The following SLC39A11 variants were observed in gnomAD, a reference collection of about 807,000 sequenced individuals.
The protein encoded by SLC39A11 is solute carrier family 39 member 11.
Under a neutral mutation model 36.1 loss-of-function variants are expected in SLC39A11, and 33 were observed. The ratio of observed to expected loss-of-function variants is 0.91; its 90% CI spans 0.69 to 1.22. SLC39A11 has a LOEUF of 1.22. Ranked by LOEUF, SLC39A11 falls within the 50% of genes most tolerant of loss-of-function variation. The pLI is 0.00. For missense variants in SLC39A11, 432 were observed against 430.3 expected, an observed-to-expected ratio of 1.00 and a Z score of -0.03; for synonymous variants, 166 against 170.3, an observed-to-expected ratio of 0.97 and a Z score of 0.20.
rs539376014 is a variant in SLC39A11, at chr17:72,837,762, T to C, written c.601+11872A>G. On this transcript the variant is annotated intron_variant, in intron 6 of 9. Coordinates refer to ENST00000255559, the MANE Select transcript of SLC39A11 (RefSeq NM_139177.4). ...ACAACATCAACGAAACTTGGAAGCATCATGCCAAGTGAAAGAAACCAGACA... is the reference window on the plus strand; with the variant it reads ...ACAACATCAACGAAACTTGGAAGCACCATGCCAAGTGAAAGAAACCAGACA... 5.1e-5 allele frequency: 17 copies of C among 335,950 alleles called. No individual in the cohort carries two copies. In the Admixed American group the frequency reaches 6.0e-4, roughly 12 times the overall value. The allele number at this position is 335,950 out of a possible 1,614,324, so 20.8% of individuals were successfully genotyped here.
chr17:72,842,490 T>C (rs2078861846), intron 6 of SLC39A11, among the ~76,000 whole-genome samples: 1 of 152,198 alleles, frequency 6.6e-6, no homozygotes, highest in South Asian at 2.1e-4. Context: ...AGTTCACTGT[T>C]GAGACCATAA....
intron 6 of SLC39A11, among the ~76,000 whole-genome samples, chr17:72,799,361 C>A (rs9914654): frequency 0.44 from 67,326 of 151,852 alleles, 18,482 homozygotes; most frequent in Non-Finnish European, 0.61. Context: ...GAAATCAGGG[C>A]ACCTTGAAAA....
At chr17:72,772,079 TG>T (rs1357226079) in intron 6 of SLC39A11, among the ~76,000 whole-genome samples, 1 of 152,200 alleles carries the variant, frequency 6.6e-6, no homozygotes, top group African/African-American at 2.4e-5. Flanking sequence ...GTGATATCCC[TG>T]GGGCTCTCCC....
At chr17:72,966,622 T>G (rs2087001102) in intron 4 of SLC39A11, among the ~76,000 whole-genome samples, 1 of 152,068 alleles carries the variant, frequency 6.6e-6, no homozygotes. Flanking sequence ...CAGGCTGGAG[T>G]GCAGTGGCGC....
chr17:72,955,732 C>G (rs934513472), intron 4 of SLC39A11, among the ~76,000 whole-genome samples: 1 of 151,892 alleles, frequency 6.6e-6, no homozygotes, highest in Non-Finnish European at 1.5e-5. Flanking sequence ...TTTATCTGAA[C>G]GAACTAAATG....
chr17:72,885,729 C>T (rs2081408264), intron 5 of SLC39A11, among the ~76,000 whole-genome samples: 1 of 152,292 alleles, frequency 6.6e-6, no homozygotes, highest in East Asian at 1.9e-4. Context: ...ACTCCAACCT[C>T]CCACCTATGT....
chr17:72,781,664 T>C (rs73352994), intron 6 of SLC39A11, among the ~76,000 whole-genome samples: 5,583 of 152,166 alleles, frequency 0.037, 320 homozygotes, highest in African/African-American at 0.12. Flanking sequence ...CATGTTCTGC[T>C]CACCTTGGTT....
intron 4 of SLC39A11, among the ~76,000 whole-genome samples, chr17:72,987,757 A>G (rs2088864185): frequency 6.6e-6 from 1 of 152,188 alleles, no homozygotes; most frequent in African/African-American, 2.4e-5. Context: ...TGACACTTAC[A>G]GAGAAAGGTG....
At chr17:72,694,932 C>T (rs11658363) in intron 7 of SLC39A11, among the ~76,000 whole-genome samples, 5,359 of 152,288 alleles carry the variant, frequency 0.035, 151 homozygotes, top group Middle Eastern at 0.082. Context: ...CTTTCTGGAC[C>T]GAGGCCAGGC....
intron 3 of SLC39A11, among the ~76,000 whole-genome samples, chr17:73,078,177 G>A (rs1279065929): frequency 1.3e-5 from 2 of 150,484 alleles, no homozygotes; most frequent in Non-Finnish European, 3.0e-5. Flanking sequence ...GGCGGAGGTT[G>A]TAGTGAGCCA....
chr17:72,870,020 T>C (rs539750987), intron 5 of SLC39A11, among the ~76,000 whole-genome samples: 12 of 152,250 alleles, frequency 7.9e-5, no homozygotes, highest in African/African-American at 1.2e-4. Context: ...TTGCTTTTTT[T>C]TTCTTCTTCT....
intron 5 of SLC39A11, among the ~76,000 whole-genome samples, chr17:72,931,773 G>T (rs1469065825): frequency 6.6e-6 from 1 of 152,186 alleles, no homozygotes; most frequent in Non-Finnish European, 1.5e-5. Flanking sequence ...TTCAGTGACA[G>T]GGAGCTCAGC....
intron 6 of SLC39A11, among the ~76,000 whole-genome samples, chr17:72,741,868 G>A (rs1397441778): frequency 1.3e-5 from 2 of 151,702 alleles, no homozygotes. Flanking sequence ...TTTAAGGTTT[G>A]CCTGATGGAT....
At chr17:73,016,338 AT>A (rs11293390) in intron 4 of SLC39A11, among the ~76,000 whole-genome samples, 26,447 of 144,532 alleles carry the variant, frequency 0.18, 4,018 homozygotes, top group African/African-American at 0.42. Context: ...CAGAAAGTTG[AT>A]TTTTTTTTTT....
intron 7 of SLC39A11, among the ~76,000 whole-genome samples, chr17:72,661,029 G>C (rs2070387764): frequency 1.3e-5 from 2 of 152,198 alleles, no homozygotes; most frequent in Admixed American, 1.3e-4. Flanking sequence ...GAGAACACCT[G>C]ATCTCACGCA....
chr17:72,760,818 G>A (rs1000694203), intron 6 of SLC39A11, among the ~76,000 whole-genome samples: 1 of 152,120 alleles, frequency 6.6e-6, no homozygotes, highest in African/African-American at 2.4e-5. Flanking sequence ...TGCCACCTCC[G>A]ATGTCACTTA....
intron 6 of SLC39A11, among the ~76,000 whole-genome samples, chr17:72,794,457 C>T (rs908195929): frequency 6.6e-6 from 1 of 152,012 alleles, no homozygotes; most frequent in African/African-American, 2.4e-5. Context: ...CTGACTGAAG[C>T]CTTCGTTTCT....
intron 4 of SLC39A11, among the ~76,000 whole-genome samples, chr17:73,007,438 A>T (rs965096088): frequency 1.3e-5 from 2 of 152,176 alleles, no homozygotes; most frequent in African/African-American, 2.4e-5. Flanking sequence ...ATAAAGCAAG[A>T]CACAGCAGAC....
At position 72,954,854 on chromosome 17, in the gene SLC39A11, C is replaced by T. The variant is rs566841632; in HGVS notation, c.307-6979G>A. Reference sequence around the variant, plus strand: ...AAGCAAACAGGGACACAGAGTGGCACAGACACTGAGGCAGAGGGTACAGTC... The same window carrying T: ...AAGCAAACAGGGACACAGAGTGGCATAGACACTGAGGCAGAGGGTACAGTC... On this transcript the variant is annotated intron_variant, in intron 4 of 9. Transcript: ENST00000255559. Among the ~76,000 whole-genome samples, 167 of 152,318 alleles carry T rather than the reference C, an allele frequency of 1.1e-3. 1 individual carries two copies. The highest frequency in any genetic ancestry group is 3.9e-3 in the African/African-American group (163 of 41,578).
Sources: allele counts gnomAD v4.1 joint callset (sites outside exome capture counted in the v4.1 genomes callset), GRCh38; gene constraint gnomAD v4.1.1; transcripts MANE v1.5; gene names NCBI Gene and HGNC (gene_info 2026-07-23, HGNC 2026-07-21).